Variants in ZFYVE1 observed in about 807,000 individuals in gnomAD.
ZFYVE1 encodes zinc finger FYVE-type containing 1.
Under a neutral mutation model 74.4 loss-of-function variants are expected in ZFYVE1, and 30 were observed. The observed-to-expected ratio is 0.40, with a 90% CI of 0.30 to 0.55. The LOEUF (loss-of-function observed/expected upper bound fraction) is 0.55. Ranked by LOEUF, ZFYVE1 falls within the 20% of genes least tolerant of loss-of-function variation. ZFYVE1 has a pLI of 0.42. For missense variants in ZFYVE1, 703 were observed against 1,011.6 expected (o/e 0.69, Z 4.14); for synonymous variants, 335 against 385.1 (o/e 0.87, Z 1.52).
At chr14:73,022,157 A>G (rs1270057979) in intron 2 of ZFYVE1, among the ~76,000 whole-genome samples, 3 of 152,238 alleles carry the variant, frequency 2.0e-5, no homozygotes, top group African/African-American at 2.4e-5. Context: ...CATAACAAAG[A>G]CATTATCGCT....
rs186907644 is a variant in ZFYVE1, at chr14:72,980,716, G to A, written c.1310+1073C>T. Among the ~76,000 whole-genome samples, 8 of 151,920 alleles carry A rather than the reference G, an allele frequency of 5.3e-5. No individual in the cohort carries two copies. The East Asian group carries it at 5.8e-4, about 11-fold the overall frequency. On this transcript the variant is annotated intron_variant, in intron 5 of 11. Coordinates refer to ENST00000556143, the MANE Select transcript of ZFYVE1 (RefSeq NM_021260.4). ...CCGAGTAGCTGGGACTACAGGCGCCGGCCACCGTGCCAGGCTAATTTTTTT... is the reference window on the plus strand; with the variant it reads ...CCGAGTAGCTGGGACTACAGGCGCCAGCCACCGTGCCAGGCTAATTTTTTT...
At position 72,997,977 on chromosome 14, in the gene ZFYVE1, G is replaced by A. The variant is rs140639314; in HGVS notation, c.822C>T (p.Asn274=). ...CATCCCCAAGGAATTTGAAGAGGTC[G>A]TTATGCAGCCGGTCTGCATGAGTTC... is the stretch of plus-strand genomic sequence containing the variant. ...IYRTHADRLH[N]DLFKFLGDAS... The change falls in exon 3 of 12, where the codon AAC becomes AAT. Residue 274 remains asparagine, a synonymous_variant. Coordinates refer to ENST00000556143, the MANE Select transcript of ZFYVE1 (RefSeq NM_021260.4). 12 of 1,613,990 alleles carry A rather than the reference G, an allele frequency of 7.4e-6. No individual in the cohort carries two copies. Among genetic ancestry groups the A allele is most frequent in the Admixed American group, 3.3e-5 (2 of 59,988 alleles).
chr14:72,997,890 G>A lies in ZFYVE1; in HGVS notation c.909C>T (p.Gly303=). 1.2e-6 allele frequency: 2 copies of A among 1,614,018 alleles called. No homozygotes were observed. Among genetic ancestry groups the A allele is most frequent in the Non-Finnish European group, 1.7e-6 (2 of 1,179,928 alleles). ...KELKATTARC[G]LDVPLSTLGP... ...CCAGTGTGGATAAAGGGACATCCAG[G>A]CCACAGCGAGCAGTGGTGGCCTTGA... is the stretch of plus-strand genomic sequence containing the variant. The change falls in exon 3 of 12, where the codon GGC becomes GGT. Residue 303 remains glycine (G), a synonymous_variant. Coordinates refer to ENST00000556143, the MANE Select transcript of ZFYVE1 (RefSeq NM_021260.4).
At chr14:73,026,701 G>A (rs1468594188) in intron 1 of ZFYVE1, among the ~76,000 whole-genome samples, 4 of 151,434 alleles carry the variant, frequency 2.6e-5, no homozygotes, top group Non-Finnish European at 4.4e-5. Flanking sequence ...GCCACAACCC[G>A]AGGGGCAGGA....
chr14:73,010,550 A>C (rs1484722521), intron 2 of ZFYVE1, among the ~76,000 whole-genome samples: 3 of 151,806 alleles, frequency 2.0e-5, no homozygotes, highest in Non-Finnish European at 4.4e-5. Context: ...CAGTGAGCTG[A>C]GATCGCACCA....
intron 2 of ZFYVE1, among the ~76,000 whole-genome samples, chr14:73,009,993 G>C (rs1395630311): frequency 2.6e-5 from 4 of 151,960 alleles, no homozygotes; most frequent in African/African-American, 9.7e-5. Context: ...TGTAGTTCCA[G>C]CTACCTGGGA....
At chr14:72,982,737 G>A (rs1352226720) in intron 4 of ZFYVE1, among the ~76,000 whole-genome samples, 1 of 152,212 alleles carries the variant, frequency 6.6e-6, no homozygotes, top group African/African-American at 2.4e-5. Context: ...AGGGAAAGAA[G>A]CCTTAACAAA....
At chr14:72,986,971 C>T (rs1427317795) in intron 4 of ZFYVE1, 10 of 985,290 alleles carry the variant, frequency 1.0e-5, no homozygotes, top group Middle Eastern at 5.2e-4. Flanking sequence ...GAAGGGCCCA[C>T]CTACCCCAAG....
chr14:72,995,386 T>C lies in ZFYVE1; in HGVS notation c.989-2029A>G, dbSNP rs548563596. Among the ~76,000 whole-genome samples the C allele has an allele frequency of 5.9e-5, 9 of 152,290 alleles. No homozygotes were observed. The South Asian group carries it at 1.9e-3, about 32-fold the overall frequency. On this transcript the variant is annotated intron_variant, in intron 3 of 11. Transcript: ENST00000556143. ...AGCTGGGACCACAGGTATGTACCAC[T>C]GCAACTGGCTAACTTTTTAATGTTT...
chr14:72,981,983 C>G (rs1043867242), intron 4 of ZFYVE1, 88 bp from the exon 5 acceptor site: 38 of 1,103,892 alleles, frequency 3.4e-5, no homozygotes, highest in Non-Finnish European at 4.1e-6. Flanking sequence ...ACAAGCAACA[C>G]AGGCACAGAA....
At chr14:73,023,331 T>TATATATGTTTTATATATA (rs1894376655) in intron 2 of ZFYVE1, among the ~76,000 whole-genome samples, 4 of 69,896 alleles carry the variant, frequency 5.7e-5, no homozygotes, top group East Asian at 4.2e-4. Flanking sequence ...TAATATATAT[T>TATATATGTTTTATATATA]ATATATGTTT....
intron 2 of ZFYVE1, among the ~76,000 whole-genome samples, chr14:73,018,054 T>G (rs553746433): frequency 6.6e-6 from 1 of 152,296 alleles, no homozygotes; most frequent in African/African-American, 2.4e-5. Flanking sequence ...GAACATGCCA[T>G]CCAACCTTCA....
chr14:72,981,529 A>C (rs1893330452), intron 5 of ZFYVE1, among the ~76,000 whole-genome samples: 1 of 152,116 alleles, frequency 6.6e-6, no homozygotes, highest in South Asian at 2.1e-4. Context: ...GGTCAATTTC[A>C]CATCTATACC....
intron 4 of ZFYVE1, 40 bp from the exon 5 acceptor site, chr14:72,981,935 G>T (rs370242001): frequency 6.6e-7 from 1 of 1,515,104 alleles, no homozygotes; most frequent in Non-Finnish European, 9.1e-7. Flanking sequence ...GCACTCAGTA[G>T]AGAGCTCCGC....
chr14:72,974,692 G>C (rs1340716433), intron 10 of ZFYVE1, 87 bp downstream of exon 10: 3 of 1,477,642 alleles, frequency 2.0e-6, no homozygotes, highest in Non-Finnish European at 2.7e-6. Context: ...ATGTGGATTA[G>C]GGCATCTGGA....
rs895473155 is a variant in ZFYVE1, at chr14:72,969,910, C to T, written c.*972G>A. 16 of 603,058 alleles carry T rather than the reference C, an allele frequency of 2.7e-5. No individual in the cohort carries two copies. In the East Asian group the frequency reaches 3.6e-4, roughly 14 times the overall value. The allele number at this position is 603,058 out of a possible 1,614,324, so 37.4% of individuals were successfully genotyped here. ...GTTTCCCTGGAAGGTTTCTCATGAT[C>T]GCCCCTCCGAGAGCTAGAGGGGTTG... On this transcript the variant is annotated 3_prime_UTR_variant, in exon 12 of 12. Coordinates refer to ENST00000556143, the MANE Select transcript of ZFYVE1 (RefSeq NM_021260.4).
chr14:72,997,923 G>C lies in ZFYVE1; in HGVS notation c.876C>G (p.Thr292=), dbSNP rs757753961. 6.2e-7 allele frequency: 1 copy of C among 1,614,142 alleles called. No homozygotes were observed. The highest frequency in any genetic ancestry group is 2.2e-5 in the East Asian group (1 of 44,874). The change falls in exon 3 of 12, where the codon ACC becomes ACG. Residue 292 remains threonine, a synonymous_variant. Transcript: ENST00000556143. ...DASEAYLKHF[T]KELKATTARC... The stretch of plus-strand genomic sequence containing the variant: ...GAGCAGTGGTGGCCTTGAGCTCCTT[G>C]GTGAAGTGCTTCAGATAAGCTTCTG...
intron 4 of ZFYVE1, among the ~76,000 whole-genome samples, chr14:72,989,714 C>T (rs76446994): frequency 0.073 from 11,020 of 151,940 alleles, 565 homozygotes; most frequent in South Asian, 0.19. Flanking sequence ...GGGCCTGGTG[C>T]AGTGGCTGTG....
At chr14:72,972,515 T>G (rs1306999001) in intron 11 of ZFYVE1, among the ~76,000 whole-genome samples, 1 of 152,174 alleles carries the variant, frequency 6.6e-6, no homozygotes, top group Non-Finnish European at 1.5e-5. Flanking sequence ...TGAGCTGCAA[T>G]GAGGAAATCT....
Sources: gnomAD v4.1 joint callset for allele counts (sites outside exome capture counted in the v4.1 genomes callset) on GRCh38, gnomAD v4.1.1 for gene constraint, MANE v1.5 for transcripts, NCBI Gene and HGNC (gene_info 2026-07-23, HGNC 2026-07-21) for gene names.